The following CLPTM1 variants were observed in gnomAD, a reference collection of about 807,000 sequenced individuals.
CLPTM1 encodes CLPTM1 regulator of GABA type A receptor forward trafficking, also known as putative lipid scramblase CLPTM1.
CLPTM1 carries 21 observed loss-of-function variants against 77.3 expected under a neutral mutation model. The ratio of observed to expected loss-of-function variants is 0.27; its 90% CI spans 0.19 to 0.39. The LOEUF (loss-of-function observed/expected upper bound fraction) is 0.39, where lower values mean the gene tolerates loss of function less well. Ranked by LOEUF, CLPTM1 falls within the 10% of genes least tolerant of loss-of-function variation. CLPTM1 has a pLI of 1.00. For synonymous variants in CLPTM1, 373 were observed against 381.0 expected (o/e 0.98, Z 0.24); for missense variants, 642 against 921.2 (o/e 0.70, Z 3.92).
intron 1 of CLPTM1, among the ~76,000 whole-genome samples, chr19:44,957,507 G>A (rs204905): frequency 0.6 from 92,066 of 152,222 alleles, 29,167 homozygotes; most frequent in African/African-American, 0.78. Context: ...CCCTGATGCC[G>A]TGGTGGATCC....
At chr19:44,985,012 G>A (rs1331422132) in intron 5 of CLPTM1, among the ~76,000 whole-genome samples, 2 of 152,128 alleles carry the variant, frequency 1.3e-5, no homozygotes, top group Non-Finnish European at 2.9e-5. Flanking sequence ...TGGTGATGGT[G>A]GCGTCCCCAT....
chr19:44,988,715 T>C (rs936718279), intron 9 of CLPTM1, among the ~76,000 whole-genome samples: 6 of 152,234 alleles, frequency 3.9e-5, no homozygotes, highest in African/African-American at 1.4e-4. Flanking sequence ...GGGATGTCAC[T>C]TGCCCAGTCA....
chr19:44,985,152 C>A, intron 5 of CLPTM1, 66 bp from the exon 6 acceptor site: 1 of 1,182,796 alleles, frequency 8.5e-7, no homozygotes, highest in Non-Finnish European at 1.3e-6. Context: ...GGCAGGGGTC[C>A]GGGCTCTGGA....
rs1163809596 is a variant in CLPTM1 at position 44,973,189 on chromosome 19, G to C, written c.288G>C (p.Leu96=). 1 of 1,614,072 alleles carries C rather than the reference G, an allele frequency of 6.2e-7. No homozygotes were observed. Among genetic ancestry groups the C allele is most frequent in the South Asian group, 1.1e-5 (1 of 91,086 alleles). Reference sequence around the variant, plus strand: ...CTCCACGCGTCGCCAGCCGCAACCTGTTCCCCAAAGACACTTTAATGGTAA... The same window carrying C: ...CTCCACGCGTCGCCAGCCGCAACCTCTTCCCCAAAGACACTTTAATGGTAA... ...GGAPRVASRN[L]FPKDTLMNLH... is the part of the protein sequence containing the mutation. The change falls in exon 3 of 14, where the codon CTG becomes CTC. Residue 96 remains leucine (L), a synonymous_variant. Transcript: ENST00000337392.
chr19:44,988,946 C>T (rs756724484), intron 9 of CLPTM1, among the ~76,000 whole-genome samples: 2 of 152,106 alleles, frequency 1.3e-5, no homozygotes, highest in African/African-American at 2.4e-5. Context: ...TTTGGGAGGC[C>T]AAGGTGGGAG....
intron 8 of CLPTM1, chr19:44,987,639 T>C: frequency 3.2e-6 from 2 of 619,628 alleles, no homozygotes; most frequent in Non-Finnish European, 2.8e-6. Flanking sequence ...GGCTGTTCTG[T>C]TGGACCCTTT....
rs373348109 is a variant in CLPTM1 at position 44,988,067 on chromosome 19, G to A, written c.1039-13G>A. 30 of 1,593,816 alleles carry A rather than the reference G, an allele frequency of 1.9e-5. No homozygotes were observed. In the African/African-American group the frequency reaches 3.9e-4, roughly 21 times the overall value. On this transcript the variant is annotated splice_polypyrimidine_tract_variant and intron_variant, in intron 8 of 13. Coordinates refer to ENST00000337392, the MANE Select transcript of CLPTM1 (RefSeq NM_001294.4). Reference sequence around the variant, plus strand: ...GGGTGGGGACAGGCTGTGCTCACATGTGTCCCCTGCAGGTGGCCCTGCTGG... The same window carrying A: ...GGGTGGGGACAGGCTGTGCTCACATATGTCCCCTGCAGGTGGCCCTGCTGG...
chr19:44,967,032 A>G (rs771909733), intron 2 of CLPTM1, among the ~76,000 whole-genome samples: 98 of 152,106 alleles, frequency 6.4e-4, no homozygotes, highest in East Asian at 3.7e-3. Flanking sequence ...TAGTAGAGAC[A>G]GGGTTTCATC....
chr19:44,991,126 G>A lies in CLPTM1; in HGVS notation c.1420-112G>A. On this transcript the variant is annotated intron_variant, in intron 11 of 13. Transcript: ENST00000337392. This position sits in a 1 kb window ranked among gnomAD's most constrained non-coding sequence, Gnocchi z 5.4. ...AGTCCGGAGTCCCCAGGGCTACCTG[G>A]AAATTCCCCCTGCCCGGCCTGCCAG... The A allele has an allele frequency of 4.5e-6, 7 of 1,555,370 alleles. No homozygotes were observed. Among genetic ancestry groups the A allele is most frequent in the Non-Finnish European group, 6.1e-6 (7 of 1,145,014 alleles).
intron 5 of CLPTM1, among the ~76,000 whole-genome samples, chr19:44,978,290 A>G (rs1970837667): frequency 6.6e-6 from 1 of 151,978 alleles, no homozygotes; most frequent in South Asian, 2.1e-4. Flanking sequence ...CTGTAGTCCC[A>G]GCTACTTGGG....
intron 9 of CLPTM1, among the ~76,000 whole-genome samples, chr19:44,989,375 G>C (rs1286569083): frequency 6.6e-6 from 1 of 152,154 alleles, no homozygotes; most frequent in African/African-American, 2.4e-5. Flanking sequence ...GCAGCAGGGG[G>C]CGCAGGCCTC....
In CLPTM1 at chr19:44,990,747, G is replaced by A; in HGVS notation, c.1324-103G>A. 7.6e-7 allele frequency: 1 copy of A among 1,316,256 alleles called. No individual in the cohort carries two copies. The highest frequency in any genetic ancestry group is 1.2e-5 in the South Asian group (1 of 81,446). The allele number at this position is 1,316,256 out of a possible 1,614,324, so 81.5% of individuals were successfully genotyped here. On this transcript the variant is annotated intron_variant, in intron 10 of 13. Transcript: ENST00000337392. The surrounding 1 kb of genome is among the most constrained non-coding windows in gnomAD (Gnocchi z 4.8). Reference sequence around the variant, plus strand: ...CCAGGGGATTTTTTGGGTCACACATGGGGCAGGGGAACTGGGAACGGTGGG... The same window carrying A: ...CCAGGGGATTTTTTGGGTCACACATAGGGCAGGGGAACTGGGAACGGTGGG...
chr19:44,983,478 C>T (rs549644144), intron 5 of CLPTM1, among the ~76,000 whole-genome samples: 14 of 150,654 alleles, frequency 9.3e-5, no homozygotes, highest in African/African-American at 2.4e-4. Flanking sequence ...ATTAGCCGGG[C>T]GTGGTGGTAC....
intron 5 of CLPTM1, among the ~76,000 whole-genome samples, chr19:44,981,803 C>T (rs960527241): frequency 7.3e-5 from 11 of 151,556 alleles, no homozygotes; most frequent in South Asian, 2.1e-4. Context: ...CCCAGCTACT[C>T]GGGAGCCTGA....
intron 6 of CLPTM1, 118 bp from the exon 7 acceptor site, chr19:44,986,337 A>G: frequency 1.4e-6 from 2 of 1,383,842 alleles, no homozygotes; most frequent in South Asian, 1.4e-5. Context: ...CATCTCAGAA[A>G]AAAAAGAAAG....
At chr19:44,968,548 C>T (rs1970669601) in intron 2 of CLPTM1, among the ~76,000 whole-genome samples, 1 of 152,224 alleles carries the variant, frequency 6.6e-6, no homozygotes, top group African/African-American at 2.4e-5. Flanking sequence ...AAGGTCCAGT[C>T]TCCTGCAGGC....
chr19:44,987,476 G>A (rs1378311022), intron 8 of CLPTM1, 53 bp downstream of exon 8: 1 of 1,601,394 alleles, frequency 6.2e-7, no homozygotes, highest in Non-Finnish European at 8.5e-7. Flanking sequence ...GGGCGCAAGA[G>A]GCCAAGAGGA....
upstream of CLPTM1, chr19:44,955,023 GACGCGAAGA>G (rs558188466): frequency 6.5e-7 from 1 of 1,535,722 alleles, no homozygotes; most frequent in Admixed American, 2.0e-5. Context: ...GAACGAAAAG[GACGCGAAGA>G]ATCGGCAGGG....
At chr19:44,982,683 C>G (rs867293120) in intron 5 of CLPTM1, among the ~76,000 whole-genome samples, 2 of 152,214 alleles carry the variant, frequency 1.3e-5, no homozygotes, top group Non-Finnish European at 2.9e-5. Flanking sequence ...GGGGCATGTC[C>G]CCCTGGAATT....
Sources: gnomAD v4.1 joint callset for allele counts (sites outside exome capture counted in the v4.1 genomes callset) on GRCh38, gnomAD v4.1.1 for gene constraint, Gnocchi (gnomAD v3.1) non-coding constraint, MANE v1.5 for transcripts, NCBI Gene and HGNC (gene_info 2026-07-23, HGNC 2026-07-21) for gene names.